ASB18: variants seen among roughly 807,000 people sequenced by gnomAD.
ASB18 encodes the protein ankyrin repeat and SOCS box containing 18, also known as ankyrin repeat and SOCS box protein 18.
ASB18 carries 33 observed loss-of-function variants against 33.4 expected under a neutral mutation model. The observed-to-expected ratio is 0.99, with a 90% confidence interval of 0.75 to 1.32. ASB18 has a LOEUF of 1.32. Among genes scored for constraint, ASB18 ranks in the 40% most tolerant of loss-of-function variants. The pLI is 0.00. For synonymous variants in ASB18, 295 were observed against 307.6 expected (o/e 0.96, Z 0.43); for missense variants, 694 against 655.5 (o/e 1.06, Z -0.64).
chr2:236,261,512 G>A (rs1399700791), intron 1 of ASB18, among the ~76,000 whole-genome samples: 1 of 152,188 alleles, frequency 6.6e-6, no homozygotes, highest in Admixed American at 6.5e-5. Flanking sequence ...CTGTGATAAA[G>A]TCACTGATAA....
At position 236,217,920 on chromosome 2, in the gene ASB18, C is replaced by T. The variant is rs1012414316; in HGVS notation, c.597-3054G>A. Among the ~76,000 whole-genome samples, 2 of 152,196 alleles carry T rather than the reference C, an allele frequency of 1.3e-5. No individual in the cohort carries two copies. The highest frequency in any genetic ancestry group is 1.9e-4 in the East Asian group (1 of 5,208). On this transcript the variant is annotated intron_variant, in intron 3 of 5. Coordinates refer to ENST00000409749, the MANE Select transcript of ASB18 (RefSeq NM_212556.4). This position sits in a 1 kb window ranked among gnomAD's most constrained non-coding sequence, Gnocchi z 5.2. ...AGGAATTTTGAACAGTGCAGCAGGA[C>T]GTTAGAAATCAAGGGTTCCTTCTCG...
rs1034473077 is a variant in ASB18, at chr2:236,193,736, C to T, written c.*1136G>A. 6.6e-6 allele frequency among the ~76,000 whole-genome samples: 1 copy of T among 152,176 alleles called. No homozygotes were observed. Among genetic ancestry groups the T allele is most frequent in the East Asian group, 1.9e-4 (1 of 5,184 alleles). ...GCTTGAACCTGGGAGGCGGAGGTTG[C>T]GGTGAGCCAAGATTGCGCCAGTCTC... is the stretch of plus-strand genomic sequence containing the variant. On this transcript the variant is annotated 3_prime_UTR_variant, in exon 6 of 6. Coordinates refer to ENST00000409749, the MANE Select transcript of ASB18 (RefSeq NM_212556.4). This position sits in a 1 kb window ranked among gnomAD's most constrained non-coding sequence, Gnocchi z 5.0.
In ASB18 at chr2:236,236,628, C is replaced by T. The variant is rs865848708; in HGVS notation, c.596+1061G>A. ...GGGGGTCCACGTGGCCCCCTGATCC[C>T]CCCTCTGAACTCAAATGACCTTTCT... On this transcript the variant is annotated intron_variant, in intron 3 of 5. Coordinates refer to ENST00000409749, the MANE Select transcript of ASB18 (RefSeq NM_212556.4). Among the ~76,000 whole-genome samples, 8 of 152,166 alleles carry T rather than the reference C, an allele frequency of 5.3e-5. No homozygotes were observed. In the South Asian group the frequency reaches 1.7e-3, roughly 32 times the overall value.
At chr2:236,207,157 C>T (rs2060438365) in intron 4 of ASB18, among the ~76,000 whole-genome samples, 1 of 152,210 alleles carries the variant, frequency 6.6e-6, no homozygotes, top group South Asian at 2.1e-4. Flanking sequence ...CCCCTGTCAC[C>T]CAGGATGCAG....
rs535990424 is a variant in ASB18 at position 236,239,536 on chromosome 2, C to T, written c.329-1580G>A. ...GCCGGAATCAGCTTTCTGTAACTCCCGCCCTCTGGTCCCAGTTCTGCCACC... is the reference window on the plus strand; with the variant it reads ...GCCGGAATCAGCTTTCTGTAACTCCTGCCCTCTGGTCCCAGTTCTGCCACC... On this transcript the variant is annotated intron_variant, in intron 2 of 5. Transcript: ENST00000409749. This position sits in a 1 kb window ranked among gnomAD's most constrained non-coding sequence, Gnocchi z 5.6. 1.4e-5 allele frequency among the ~76,000 whole-genome samples: 2 copies of T among 139,566 alleles called. No homozygotes were observed. Among genetic ancestry groups the T allele is most frequent in the South Asian group, 4.9e-4 (2 of 4,100 alleles). 91.6% of individuals were successfully genotyped at this position (139,566 alleles called of 152,430 possible).
At position 236,237,343 on chromosome 2, in the gene ASB18, CGGGGCCGGGGCGCGGGGCG is replaced by C. The variant is rs1199020788; in HGVS notation, c.596+327_596+345del. Among the ~76,000 whole-genome samples, 41 of 54,768 alleles carry C rather than the reference CGGGGCCGGGGCGCGGGGCG, an allele frequency of 7.5e-4. No homozygotes were observed. The highest frequency in any genetic ancestry group is 4.4e-3 in the East Asian group (7 of 1,608). 35.9% of individuals were successfully genotyped at this position (54,768 alleles called of 152,430 possible). ...AAGCGCTAATTAAACCCGCGGGGGC[CGGGGCCGGGGCGCGGGGCG>C]GGGGCCGGGGCCGGGGCGCGGGGCG... is the stretch of plus-strand genomic sequence containing the variant. On this transcript the variant is annotated intron_variant, in intron 3 of 5. Coordinates refer to ENST00000409749, the MANE Select transcript of ASB18 (RefSeq NM_212556.4). This position sits in a 1 kb window ranked among gnomAD's most constrained non-coding sequence, Gnocchi z 6.2.
Position 236,219,379 on chromosome 2 carries a change from T to A in ASB18, c.597-4513A>T, listed in dbSNP as rs867320757. On this transcript the variant is annotated intron_variant, in intron 3 of 5. Transcript: ENST00000409749. This position sits in a 1 kb window ranked among gnomAD's most constrained non-coding sequence, Gnocchi z 6.4. ...AGCAACAGCTCCTGGATCCTAAGAA[T>A]ATCCCTTTGGCTTTCCAGGTTCCCA... Among the ~76,000 whole-genome samples the A allele has an allele frequency of 6.6e-6, 1 of 152,224 alleles. No individual in the cohort carries two copies. The highest frequency in any genetic ancestry group is 2.1e-4 in the South Asian group (1 of 4,834).
rs2060517132 is a variant in ASB18, at chr2:236,222,513, G to A, written c.597-7647C>T. 1.3e-5 allele frequency among the ~76,000 whole-genome samples: 2 copies of A among 152,192 alleles called. No individual in the cohort carries two copies. Among genetic ancestry groups the A allele is most frequent in the Admixed American group, 1.3e-4 (2 of 15,280 alleles). On this transcript the variant is annotated intron_variant, in intron 3 of 5. Coordinates refer to ENST00000409749, the MANE Select transcript of ASB18 (RefSeq NM_212556.4). The surrounding 1 kb of genome is among the most constrained non-coding windows in gnomAD (Gnocchi z 5.5). ...AAAAATGATTTAGTGAACAAGATTTGTACAGTCAGCTCCACTGTGTGCCCC... is the reference window on the plus strand; with the variant it reads ...AAAAATGATTTAGTGAACAAGATTTATACAGTCAGCTCCACTGTGTGCCCC...
chr2:236,245,630 C>A lies in ASB18; in HGVS notation c.206-4228G>T, dbSNP rs754922738. 2.6e-5 allele frequency among the ~76,000 whole-genome samples: 4 copies of A among 152,188 alleles called. No homozygotes were observed. Among genetic ancestry groups the A allele is most frequent in the Admixed American group, 2.6e-4 (4 of 15,282 alleles). On this transcript the variant is annotated intron_variant, in intron 1 of 5. Coordinates refer to ENST00000409749, the MANE Select transcript of ASB18 (RefSeq NM_212556.4). This position sits in a 1 kb window ranked among gnomAD's most constrained non-coding sequence, Gnocchi z 4.7. ...GCTTAGCCTCCCTTGACCTCCAAGACCAGTCCTGATGTCTGTCCTTGCACT... is the reference window on the plus strand; with the variant it reads ...GCTTAGCCTCCCTTGACCTCCAAGAACAGTCCTGATGTCTGTCCTTGCACT...
At position 236,220,771 on chromosome 2, in the gene ASB18, C is replaced by T. The variant is rs1253270284; in HGVS notation, c.597-5905G>A. 2.6e-5 allele frequency among the ~76,000 whole-genome samples: 4 copies of T among 152,136 alleles called. No individual in the cohort carries two copies. The highest frequency in any genetic ancestry group is 9.7e-5 in the African/African-American group (4 of 41,426). On this transcript the variant is annotated intron_variant, in intron 3 of 5. Coordinates refer to ENST00000409749, the MANE Select transcript of ASB18 (RefSeq NM_212556.4). The surrounding 1 kb of genome is among the most constrained non-coding windows in gnomAD (Gnocchi z 5.1). ...CCCACTGGTTTTATTTGTTAAGCAC[C>T]TTCTCTGAGGCAGGTTCTGTTCTAG...
At chr2:236,242,562 C>T (rs2060625825) in intron 1 of ASB18, among the ~76,000 whole-genome samples, 1 of 152,208 alleles carries the variant, frequency 6.6e-6, no homozygotes, top group Non-Finnish European at 1.5e-5. Context: ...TCAAGTGATT[C>T]TCCTACTTCA....
At position 236,250,358 on chromosome 2, in the gene ASB18, C is replaced by G. The variant is rs2060663359; in HGVS notation, c.206-8956G>C. On this transcript the variant is annotated intron_variant, in intron 1 of 5. Coordinates refer to ENST00000409749, the MANE Select transcript of ASB18 (RefSeq NM_212556.4). The surrounding 1 kb of genome is among the most constrained non-coding windows in gnomAD (Gnocchi z 4.1). The stretch of plus-strand genomic sequence containing the variant: ...GCTGCAGGACACCCTGCCATTTTCT[C>G]TTGTTCTTGGGGAATGGCAAATGTT... The G allele has an allele frequency of 6.6e-6, 1 of 152,216 alleles. No homozygotes were observed. Among genetic ancestry groups the G allele is most frequent in the Non-Finnish European group, 1.5e-5 (1 of 68,046 alleles). 9.4% of individuals were successfully genotyped at this position (152,216 alleles called of 1,614,324 possible).
intron 3 of ASB18, among the ~76,000 whole-genome samples, chr2:236,232,597 G>A (rs1414555211): frequency 6.6e-6 from 1 of 152,070 alleles, no homozygotes; most frequent in Admixed American, 6.5e-5. Context: ...TCATGAATGA[G>A]AGAGGTGATA....
chr2:236,258,322 A>T (rs10177319), intron 1 of ASB18, among the ~76,000 whole-genome samples: 6,666 of 152,306 alleles, frequency 0.044, 247 homozygotes, highest in African/African-American at 0.11. Flanking sequence ...AGATGCTTAG[A>T]GATGATCCAG....
At chr2:236,233,165 A>G (rs1487085651) in intron 3 of ASB18, among the ~76,000 whole-genome samples, 4 of 152,176 alleles carry the variant, frequency 2.6e-5, no homozygotes, top group Non-Finnish European at 2.9e-5. Context: ...ATAAATTATT[A>G]TATTAACAGA....
chr2:236,256,241 G>T lies in ASB18; in HGVS notation c.205+7900C>A, dbSNP rs975932381. On this transcript the variant is annotated intron_variant, in intron 1 of 5. Transcript: ENST00000409749. The surrounding 1 kb of genome is among the most constrained non-coding windows in gnomAD (Gnocchi z 4.7). Reference sequence around the variant, plus strand: ...AGAGTCTTGCCATGTTGCTCAGGCTGGTCTCAAACTCCTGGGCTCAAGAGA... The same window carrying T: ...AGAGTCTTGCCATGTTGCTCAGGCTTGTCTCAAACTCCTGGGCTCAAGAGA... Among the ~76,000 whole-genome samples the T allele has an allele frequency of 1.3e-5, 2 of 152,014 alleles. No individual in the cohort carries two copies. The highest frequency in any genetic ancestry group is 1.3e-4 in the Admixed American group (2 of 15,264).
rs181338637 is a variant in ASB18, at chr2:236,209,596, C to A, written c.1101+4766G>T. On this transcript the variant is annotated intron_variant, in intron 4 of 5. Coordinates refer to ENST00000409749, the MANE Select transcript of ASB18 (RefSeq NM_212556.4). This position sits in a 1 kb window ranked among gnomAD's most constrained non-coding sequence, Gnocchi z 4.4. ...TGTTATTCTTGCACCAACCTCCATC[C>A]CCCATGCAAGCTATGTGAATCCCTT... is the stretch of plus-strand genomic sequence containing the variant. 9.8e-5 allele frequency among the ~76,000 whole-genome samples: 15 copies of A among 152,310 alleles called. No homozygotes were observed. In the East Asian group the frequency reaches 2.7e-3, roughly 27 times the overall value.
rs1156600355 is a variant in ASB18, at chr2:236,263,268, A to C, written c.205+873T>G. On this transcript the variant is annotated intron_variant, in intron 1 of 5. Coordinates refer to ENST00000409749, the MANE Select transcript of ASB18 (RefSeq NM_212556.4). The surrounding 1 kb of genome is among the most constrained non-coding windows in gnomAD (Gnocchi z 4.0). The stretch of plus-strand genomic sequence containing the variant: ...AAAATGATAAAAATGATTCCAAGAG[A>C]TGGAGAGTTCCTGCCCAAGACCCAA... Among the ~76,000 whole-genome samples the C allele has an allele frequency of 6.6e-6, 1 of 152,214 alleles. No individual in the cohort carries two copies. The highest frequency in any genetic ancestry group is 1.5e-5 in the Non-Finnish European group (1 of 68,030).
At position 236,256,086 on chromosome 2, in the gene ASB18, A is replaced by T. The variant is rs949563648; in HGVS notation, c.205+8055T>A. Among the ~76,000 whole-genome samples the T allele has an allele frequency of 7.9e-5, 12 of 152,214 alleles. No individual in the cohort carries two copies. The highest frequency in any genetic ancestry group is 2.9e-4 in the African/African-American group (12 of 41,532). On this transcript the variant is annotated intron_variant, in intron 1 of 5. Coordinates refer to ENST00000409749, the MANE Select transcript of ASB18 (RefSeq NM_212556.4). The surrounding 1 kb of genome is among the most constrained non-coding windows in gnomAD (Gnocchi z 4.7). ...TCTCACTGTTGCCAGGTTGGAGTGC[A>T]GTGGCATGATCACGGTTCACTGCAG...
Sources: gnomAD v4.1 joint callset for allele counts (sites outside exome capture counted in the v4.1 genomes callset) on GRCh38, gnomAD v4.1.1 for gene constraint, Gnocchi (gnomAD v3.1) non-coding constraint, MANE v1.5 for transcripts, NCBI Gene and HGNC (gene_info 2026-07-23, HGNC 2026-07-21) for gene names.